TRMT2B: variants seen among roughly 807,000 people sequenced by gnomAD.
TRMT2B encodes the protein tRNA (uracil-5-)-methyltransferase homolog B.
In TRMT2B, 34 loss-of-function variants were observed where a neutral mutation model predicts 39.7. The observed-to-expected ratio is 0.86, with a 90% CI of 0.65 to 1.14. The LOEUF (loss-of-function observed/expected upper bound fraction) is 1.14. Ranked by LOEUF, TRMT2B falls within the 50% of genes most tolerant of loss-of-function variation. The probability of loss-of-function intolerance (pLI) is 0.00; values close to 1 mark genes in which losing one functional copy is unlikely to be tolerated. For synonymous variants in TRMT2B, 132 were observed against 137.3 expected, an observed-to-expected ratio of 0.96 and a Z score of 0.27; for missense variants, 318 against 377.2, an observed-to-expected ratio of 0.84 and a Z score of 1.30.
intron 9 of TRMT2B, 90 bp from the exon 10 acceptor site, chrX:101,021,405 G>A: frequency 1.3e-6 from 1 of 788,768 alleles, no homozygotes; most frequent in Non-Finnish European, 1.8e-6. Flanking sequence ...GAGGCGGGCA[G>A]ATCACCTAAG....
At chrX:101,040,976 G>A (rs1414617797) in intron 4 of TRMT2B, among the ~76,000 whole-genome samples, 2 of 111,564 alleles carry the variant, frequency 1.8e-5, no homozygotes, top group African/African-American at 3.3e-5. Flanking sequence ...CTGGGAGGCC[G>A]AGGTGGGCAG....
chrX:101,006,127 G>A (rs1372889207), downstream of TRMT2B, among the ~76,000 whole-genome samples: 2 of 109,121 alleles, frequency 1.8e-5, no homozygotes, highest in South Asian at 4.0e-4. Flanking sequence ...AGGCTGAGGC[G>A]AGAGAAACGA....
the TRMT2B span, among the ~76,000 whole-genome samples, chrX:100,986,113 A>G: frequency 1.8e-5 from 2 of 111,483 alleles, no homozygotes; most frequent in East Asian, 5.6e-4. Flanking sequence ...ATGGGGGACA[A>G]GTTACCTAAC....
At position 101,019,057 on chromosome X, in the gene TRMT2B, A is replaced by G; in HGVS notation, c.1302T>C (p.Ile434=). 8.3e-7 allele frequency: 1 copy of G among 1,200,229 alleles called. No individual in the cohort carries two copies. Among genetic ancestry groups the G allele is most frequent in the South Asian group, 1.8e-5 (1 of 56,701 alleles). The change falls in exon 13 of 14, where the codon ATT becomes ATC. Residue 434 remains isoleucine, a synonymous_variant. Transcript: ENST00000372936. ...TGGCCCTGAAGTTTCGAATGGCTTG[A>G]ATCACCTTGTAATCTGAAGGAAGAA... The part of the protein sequence containing the change: ...PARAGLHYKV[I]QAIRNFRAIH...
the TRMT2B span, chrX:100,973,712 G>A: frequency 1.7e-6 from 2 of 1,210,936 alleles, no homozygotes; most frequent in Non-Finnish European, 2.2e-6. Flanking sequence ...TTGTCCTCCT[G>A]CTGCTCTTGC....
chrX:101,028,177 G>C (rs1336876119), intron 7 of TRMT2B, among the ~76,000 whole-genome samples: 1 of 97,449 alleles, frequency 1.0e-5, no homozygotes, highest in Non-Finnish European at 2.0e-5. Flanking sequence ...GGAGTGCAGT[G>C]GCGCGGTTTA....
At chrX:100,986,705 C>T in the TRMT2B span, 9 of 515,432 alleles carry the variant, frequency 1.7e-5, no homozygotes, top group Non-Finnish European at 2.9e-5. Flanking sequence ...AGAATTTGTT[C>T]TCCTCCTCTT....
At chrX:101,004,532 G>C (rs2086088167), downstream of TRMT2B, among the ~76,000 whole-genome samples, 1 of 107,967 alleles carries the variant, frequency 9.3e-6, no homozygotes, top group African/African-American at 3.4e-5. Flanking sequence ...ATGGAGTTTT[G>C]CTCTTGTTGC....
rs774748398 is a variant in TRMT2B at position 101,042,116 on chromosome X, C to T, written c.174G>A (p.Thr58=). ...CKGDFTRVIA[T]KCQKGQKSQK... ...GACTTTTTTGTCCTTTCTGACATTT[C>T]GTGGCTATCACACGGGTGAAATCTC... The change falls in exon 3 of 14, where the codon ACG becomes ACA. Residue 58 remains threonine, a synonymous_variant. Transcript: ENST00000372936. 3.1e-5 allele frequency: 37 copies of T among 1,210,537 alleles called. No individual in the cohort carries two copies. Among genetic ancestry groups the T allele is most frequent in the African/African-American group, 3.0e-4 (17 of 57,383 alleles).
At chrX:100,980,915 T>C in the TRMT2B span, among the ~76,000 whole-genome samples, 9 of 111,894 alleles carry the variant, frequency 8.0e-5, no homozygotes, top group African/African-American at 2.9e-4. Context: ...AAATGGGGGC[T>C]TCGGGACTCT....
At chrX:101,013,293 A>G (rs1368241603) in intron 13 of TRMT2B, among the ~76,000 whole-genome samples, 2 of 111,902 alleles carry the variant, frequency 1.8e-5, no homozygotes, top group Non-Finnish European at 3.8e-5. Flanking sequence ...ATGCAATATA[A>G]TAAGCAAAAG....
chrX:101,041,934 C>T, intron 3 of TRMT2B, 108 bp downstream of exon 3: 1 of 997,482 alleles, frequency 1.0e-6, no homozygotes, highest in Non-Finnish European at 1.4e-6. Context: ...CCTCAGGTGG[C>T]CCCTCAAATC....
chrX:101,029,027 CT>C (rs915885436), intron 7 of TRMT2B, among the ~76,000 whole-genome samples: 1 of 111,588 alleles, frequency 9.0e-6, no homozygotes, highest in Non-Finnish European at 1.9e-5. Flanking sequence ...TCAGGAAGTT[CT>C]TTATAGCAAT....
downstream of TRMT2B, among the ~76,000 whole-genome samples, chrX:101,008,079 G>A (rs1401021838): frequency 9.0e-6 from 1 of 111,368 alleles, no homozygotes; most frequent in Non-Finnish European, 1.9e-5. Context: ...AATAGAGGAG[G>A]AAGAACATGT....
the TRMT2B span, chrX:100,986,876 AAG>A: frequency 8.4e-7 from 1 of 1,195,670 alleles, no homozygotes; most frequent in Non-Finnish European, 1.1e-6. Flanking sequence ...AAGCTAGTGA[AAG>A]AGAATAAGTG....
chrX:101,044,748 G>T (rs905835677), intron 2 of TRMT2B, among the ~76,000 whole-genome samples: 1 of 104,309 alleles, frequency 9.6e-6, no homozygotes, highest in Non-Finnish European at 1.9e-5. Flanking sequence ...GCTGAGGTAG[G>T]AGAATTGCTT....
At chrX:100,973,500 C>T in the TRMT2B span, among the ~76,000 whole-genome samples, 10 of 110,931 alleles carry the variant, frequency 9.0e-5, no homozygotes, top group African/African-American at 9.8e-5. Flanking sequence ...GGCGGTCGGG[C>T]GGCGGCGGCT....
intron 7 of TRMT2B, among the ~76,000 whole-genome samples, chrX:101,028,868 G>T (rs2148030419): frequency 9.1e-6 from 1 of 110,321 alleles, no homozygotes; most frequent in African/African-American, 3.3e-5. Context: ...TTAACTGTGT[G>T]GCACATTCCC....
At chrX:100,995,623 G>A in the TRMT2B span, among the ~76,000 whole-genome samples, 4 of 111,558 alleles carry the variant, frequency 3.6e-5, no homozygotes, top group East Asian at 2.8e-4. Flanking sequence ...CATGCTAGTC[G>A]CCACATCCAG....
Sources: gnomAD v4.1 joint callset for allele counts (sites outside exome capture counted in the v4.1 genomes callset) on GRCh38, gnomAD v4.1.1 for gene constraint, MANE v1.5 for transcripts, NCBI Gene and HGNC (gene_info 2026-07-23, HGNC 2026-07-21) for gene names.